Variants in CFTR observed in about 807,000 individuals in gnomAD.
The protein encoded by CFTR is CF transmembrane conductance regulator.
Under a neutral mutation model 171.6 loss-of-function variants are expected in CFTR, and 181 were observed. The observed-to-expected ratio is 1.05, with a 90% CI of 0.93 to 1.19. The LOEUF is 1.19. CFTR is among the 50% of genes most tolerant of loss of function. The pLI is 0.00. For synonymous variants in CFTR, 583 were observed against 608.0 expected, an observed-to-expected ratio of 0.96 and a Z score of 0.60; for missense variants, 1,968 against 1,734.7, an observed-to-expected ratio of 1.13 and a Z score of -2.39.
chr7:117,613,997 A>AT (rs1468130932), intron 20 of CFTR, among the ~76,000 whole-genome samples: 3 of 131,974 alleles, frequency 2.3e-5, no homozygotes, highest in Admixed American at 7.5e-5. Flanking sequence ...AGGTACAGTA[A>AT]TCTTTTTTTT....
At chr7:117,519,680 C>T (rs2116655474) in intron 3 of CFTR, among the ~76,000 whole-genome samples, 1 of 152,070 alleles carries the variant, frequency 6.6e-6, no homozygotes, top group South Asian at 2.1e-4. Flanking sequence ...GTCATCATTA[C>T]ATAATGTGCA....
intron 9 of CFTR, among the ~76,000 whole-genome samples, chr7:117,545,497 T>C (rs1799125114): frequency 6.6e-6 from 1 of 152,226 alleles, no homozygotes; most frequent in Non-Finnish European, 1.5e-5. Context: ...CCAAATTTCC[T>C]GCGTGTACCT....
chr7:117,538,376 A>G (rs1338403538), intron 7 of CFTR, among the ~76,000 whole-genome samples: 4 of 152,162 alleles, frequency 2.6e-5, no homozygotes, highest in Non-Finnish European at 4.4e-5. Context: ...TATTTTTATG[A>G]CTCATAAAAT....
At chr7:117,541,098 A>G (rs2237725) in intron 8 of CFTR, among the ~76,000 whole-genome samples, 16,950 of 152,158 alleles carry the variant, frequency 0.11, 1,460 homozygotes, top group East Asian at 0.41. Context: ...TCTCAGTCCC[A>G]TTCCTTCATT....
At chr7:117,638,040 C>A (rs1479965982) in intron 22 of CFTR, among the ~76,000 whole-genome samples, 1 of 152,200 alleles carries the variant, frequency 6.6e-6, no homozygotes, top group Non-Finnish European at 1.5e-5. Flanking sequence ...GCTCTCACAT[C>A]ATGCACACTG....
At chr7:117,644,981 G>A (rs905960764) in intron 23 of CFTR, among the ~76,000 whole-genome samples, 2 of 152,166 alleles carry the variant, frequency 1.3e-5, no homozygotes, top group African/African-American at 4.8e-5. Flanking sequence ...ATTTTTAAAT[G>A]TATGTCTAAA....
intron 20 of CFTR, among the ~76,000 whole-genome samples, chr7:117,614,335 C>T (rs1233344167): frequency 6.6e-6 from 1 of 152,080 alleles, no homozygotes; most frequent in Non-Finnish European, 1.5e-5. Flanking sequence ...CCATTACCAA[C>T]AACACCTCCA....
At chr7:117,540,906 G>A (rs894841485) in intron 8 of CFTR, among the ~76,000 whole-genome samples, 1 of 151,942 alleles carries the variant, frequency 6.6e-6, no homozygotes, top group Non-Finnish European at 1.5e-5. Context: ...AATTTGTATT[G>A]GTTGCCAGCA....
chr7:117,565,627 C>T (rs913751032), intron 11 of CFTR, among the ~76,000 whole-genome samples: 3 of 152,066 alleles, frequency 2.0e-5, no homozygotes, highest in African/African-American at 7.2e-5. Context: ...CTTTTGGAAC[C>T]ACGTAATGGT....
intron 11 of CFTR, among the ~76,000 whole-genome samples, chr7:117,582,892 A>T (rs1441284284): frequency 6.6e-6 from 1 of 152,158 alleles, no homozygotes; most frequent in Admixed American, 6.6e-5. Context: ...TTGATATTCC[A>T]TTCGATCTGA....
At chr7:117,608,386 CTAGAGAT>C (rs1792333771) in intron 18 of CFTR, among the ~76,000 whole-genome samples, 2 of 151,958 alleles carry the variant, frequency 1.3e-5, no homozygotes, top group Non-Finnish European at 2.9e-5. Flanking sequence ...TGTATTATTA[CTAGAGAT>C]GGGGTTTCAC....
intron 1 of CFTR, among the ~76,000 whole-genome samples, chr7:117,483,839 G>T (rs1283823896): frequency 6.6e-6 from 1 of 152,030 alleles, no homozygotes; most frequent in Admixed American, 6.6e-5. Flanking sequence ...CTCCCAAAGT[G>T]CTGGGATTAC....
At chr7:117,544,864 T>C (rs1215328620) in intron 9 of CFTR, among the ~76,000 whole-genome samples, 1 of 152,232 alleles carries the variant, frequency 6.6e-6, no homozygotes, top group African/African-American at 2.4e-5. Context: ...TGTTATACTC[T>C]TGTGGAATTT....
At chr7:117,544,908 C>A (rs1799114481) in intron 9 of CFTR, among the ~76,000 whole-genome samples, 1 of 152,170 alleles carries the variant, frequency 6.6e-6, no homozygotes, top group African/African-American at 2.4e-5. Flanking sequence ...ACCGTTCTTT[C>A]CAGATTATTT....
chr7:117,634,859 T>C (rs1310981804), intron 22 of CFTR, among the ~76,000 whole-genome samples: 1 of 152,108 alleles, frequency 6.6e-6, no homozygotes, highest in Admixed American at 6.6e-5. Flanking sequence ...AGGTGTGATT[T>C]ATGGCCCAGA....
chr7:117,540,956 A>C (rs919064956), intron 8 of CFTR, among the ~76,000 whole-genome samples: 1 of 152,116 alleles, frequency 6.6e-6, no homozygotes, highest in African/African-American at 2.4e-5. Flanking sequence ...CACACACATA[A>C]ACACACACAC....
At chr7:117,516,793 T>C (rs1391165956) in intron 3 of CFTR, among the ~76,000 whole-genome samples, 1 of 152,136 alleles carries the variant, frequency 6.6e-6, no homozygotes. Flanking sequence ...CAAACACTTA[T>C]CTTTTGAGTT....
At chr7:117,519,122 C>T (rs1798646854) in intron 3 of CFTR, among the ~76,000 whole-genome samples, 1 of 151,956 alleles carries the variant, frequency 6.6e-6, no homozygotes. Flanking sequence ...TTGAATTAGT[C>T]ATTGAATCTA....
chr7:117,483,747 T>A lies in CFTR; in HGVS notation c.53+3600T>A, dbSNP rs570339132. ...ATGCCTGGCTAACTTTTTTTTTTTT[T>A]AAGTTATATAGAGACAGTATCTCAC... On this transcript the variant is annotated intron_variant, in intron 1 of 26. Transcript: ENST00000003084. 1.5e-3 allele frequency among the ~76,000 whole-genome samples: 233 copies of A among 151,798 alleles called. 2 individuals are homozygous for A. Among genetic ancestry groups the A allele is most frequent in the Middle Eastern group, 6.8e-3 (2 of 294 alleles).
Sources: allele counts gnomAD v4.1 joint callset (sites outside exome capture counted in the v4.1 genomes callset), GRCh38; gene constraint gnomAD v4.1.1; transcripts MANE v1.5; gene names NCBI Gene and HGNC (gene_info 2026-07-23, HGNC 2026-07-21).